ANXA4: variants seen among roughly 807,000 people sequenced by gnomAD.
The protein encoded by ANXA4 is annexin A4, also known as 35-beta calcimedin.
A neutral mutation model predicts 49.8 loss-of-function variants in ANXA4; 39 were observed. That is an observed-to-expected ratio of 0.78 (90% CI 0.61 to 1.02). The LOEUF (loss-of-function observed/expected upper bound fraction) is 1.02, where lower values mean the gene tolerates loss of function less well. ANXA4 is among the 50% of genes least tolerant of loss of function. ANXA4 has a pLI of 0.00. For missense variants in ANXA4, 360 were observed against 410.1 expected, an observed-to-expected ratio of 0.88 and a Z score of 1.05; for synonymous variants, 134 against 152.5, an observed-to-expected ratio of 0.88 and a Z score of 0.89.
exon 2 of ANXA4, chr2:69,653,027 G>C (rs1676309782): frequency 6.6e-6 from 1 of 152,202 alleles, no homozygotes; most frequent in African/African-American, 2.4e-5. Flanking sequence ...ATGCCCCTGT[G>C]TCACAGAACA....
At position 69,806,390 on chromosome 2, in the gene ANXA4, G is replaced by A. The variant is rs369016118; in HGVS notation, c.198G>A (p.Leu66=). 1.1e-4 allele frequency: 176 copies of A among 1,613,498 alleles called. No individual in the cohort carries two copies. Among genetic ancestry groups the A allele is most frequent in the Non-Finnish European group, 1.5e-4 (173 of 1,179,504 alleles). Residue 66 remains leucine, a synonymous_variant, in exon 5 of 13, where the codon TTG becomes TTA. Transcript: ENST00000394295. ...GCTACTTTCTTGCATTGCAGGACTT[G>A]ATAGACGACCTGAAGTCAGAACTGA... The part of the protein sequence containing the change: ...TAYKSTIGRD[L]IDDLKSELSG...
intron 7 of ANXA4, 139 bp from the exon 8 acceptor site, chr2:69,812,514 T>C (rs2103851138): frequency 1.5e-6 from 1 of 656,640 alleles, no homozygotes; most frequent in Non-Finnish European, 2.6e-6. Flanking sequence ...TTAGAGGACG[T>C]CTGTCCTCCC....
At chr2:69,651,816 T>TC (rs1421101007) in intron 1 of ANXA4, among the ~76,000 whole-genome samples, 5 of 18,810 alleles carry the variant, frequency 2.7e-4, no homozygotes, top group African/African-American at 1.3e-3. Context: ...TTTTTTTTTT[T>TC]TGGGGGGGGG....
chr2:69,737,151 T>C (rs1332088922), upstream of ANXA4, among the ~76,000 whole-genome samples: 1 of 152,220 alleles, frequency 6.6e-6, no homozygotes. Context: ...CAGTTTCATG[T>C]GTTGCTACTG....
chr2:69,699,629 C>T (rs1383182518), intron 2 of ANXA4, among the ~76,000 whole-genome samples: 1 of 151,912 alleles, frequency 6.6e-6, no homozygotes, highest in Non-Finnish European at 1.5e-5. Flanking sequence ...GAGACCCTGT[C>T]CCAAAAAACA....
intron 2 of ANXA4, among the ~76,000 whole-genome samples, chr2:69,712,426 A>G (rs554348680): frequency 1.3e-5 from 2 of 152,344 alleles, no homozygotes; most frequent in East Asian, 3.9e-4. Context: ...TAGCTTTAAT[A>G]GCCCTATTAG....
At chr2:69,658,057 A>G (rs1226919522) in intron 2 of ANXA4, among the ~76,000 whole-genome samples, 1 of 152,116 alleles carries the variant, frequency 6.6e-6, no homozygotes, top group Non-Finnish European at 1.5e-5. Flanking sequence ...ATTCTTAATA[A>G]TGTATCAACT....
chr2:69,711,132 C>A (rs760120212), intron 2 of ANXA4, among the ~76,000 whole-genome samples: 5 of 152,138 alleles, frequency 3.3e-5, no homozygotes, highest in Non-Finnish European at 7.4e-5. Context: ...GAGTTTGAGA[C>A]AAGCCTGGTC....
chr2:69,722,067 A>C (rs1295253658), intron 3 of ANXA4, among the ~76,000 whole-genome samples: 1 of 152,226 alleles, frequency 6.6e-6, no homozygotes. Flanking sequence ...AAATAAAAAA[A>C]AATGACCAGT....
chr2:69,764,517 G>A (rs1229603761), intron 1 of ANXA4, among the ~76,000 whole-genome samples: 1 of 152,180 alleles, frequency 6.6e-6, no homozygotes, highest in Non-Finnish European at 1.5e-5. Context: ...GATAACAGCA[G>A]CGTGCTTCCC....
intron 2 of ANXA4, among the ~76,000 whole-genome samples, chr2:69,784,609 A>G (rs2103681964): frequency 6.6e-6 from 1 of 152,382 alleles, no homozygotes; most frequent in South Asian, 2.1e-4. Flanking sequence ...AAAATAAAGT[A>G]TTTGCAAAAG....
At chr2:69,771,812 G>T (rs544823484) in intron 1 of ANXA4, among the ~76,000 whole-genome samples, 3 of 152,136 alleles carry the variant, frequency 2.0e-5, no homozygotes, top group Admixed American at 6.5e-5. Context: ...TTTTCTTTAT[G>T]AATTCATTGT....
intron 1 of ANXA4, among the ~76,000 whole-genome samples, chr2:69,771,382 G>A (rs1273424317): frequency 6.6e-6 from 1 of 152,224 alleles, no homozygotes; most frequent in Admixed American, 6.5e-5. Context: ...TTGCTCTGCT[G>A]ATGGACACAA....
intron 3 of ANXA4, among the ~76,000 whole-genome samples, chr2:69,721,548 A>G (rs139989016): frequency 3.3e-5 from 5 of 152,228 alleles, no homozygotes; most frequent in African/African-American, 1.2e-4. Context: ...AAAAAATTGA[A>G]AAGTTAACCA....
intron 6 of ANXA4, 128 bp downstream of exon 6, chr2:69,808,124 G>A: frequency 2.4e-6 from 2 of 849,336 alleles, no homozygotes; most frequent in East Asian, 5.4e-5. Context: ...TCGGTGCCAA[G>A]CTCTGCTTCG....
chr2:69,683,303 A>G (rs1045508422), intron 2 of ANXA4, among the ~76,000 whole-genome samples: 1 of 152,208 alleles, frequency 6.6e-6, no homozygotes, highest in Non-Finnish European at 1.5e-5. Flanking sequence ...ATGATGTCAT[A>G]CAAACCTCTT....
intron 2 of ANXA4, among the ~76,000 whole-genome samples, chr2:69,678,840 C>T (rs1370988717): frequency 6.6e-6 from 1 of 152,074 alleles, no homozygotes; most frequent in Non-Finnish European, 1.5e-5. Context: ...ATCTTGTATA[C>T]TGTTGGTGAA....
intron 3 of ANXA4, among the ~76,000 whole-genome samples, chr2:69,725,149 G>A (rs1669928813): frequency 6.6e-6 from 1 of 152,026 alleles, no homozygotes; most frequent in Non-Finnish European, 1.5e-5. Context: ...ATGCCAGGAG[G>A]GCTTACTGAT....
chr2:69,691,305 G>A (rs547687210), intron 2 of ANXA4, among the ~76,000 whole-genome samples: 1 of 151,784 alleles, frequency 6.6e-6, no homozygotes, highest in South Asian at 2.1e-4. Context: ...TGTATTTTTA[G>A]TAGAGACGGG....
Sources: gnomAD v4.1 joint callset for allele counts (sites outside exome capture counted in the v4.1 genomes callset) on GRCh38, gnomAD v4.1.1 for gene constraint, MANE v1.5 for transcripts, NCBI Gene and HGNC (gene_info 2026-07-23, HGNC 2026-07-21) for gene names.